CTNNA3: variants seen among roughly 807,000 people sequenced by gnomAD.
CTNNA3 encodes catenin alpha 3, also known as catenin alpha-3.
Under a neutral mutation model 95.7 loss-of-function variants are expected in CTNNA3, and 76 were observed. That is an observed-to-expected ratio of 0.79 (90% CI 0.66 to 0.96). CTNNA3 has a LOEUF of 0.96. Among genes scored for constraint, CTNNA3 ranks in the 40% least tolerant of loss-of-function variants. The pLI is 0.00. For missense variants in CTNNA3, 1,191 were observed against 1,089.8 expected (o/e 1.09, Z -1.31); for synonymous variants, 431 against 374.4 (o/e 1.15, Z -1.74).
At chr10:67,054,339 C>A (rs923456059) in intron 7 of CTNNA3, among the ~76,000 whole-genome samples, 15 of 152,108 alleles carry the variant, frequency 9.9e-5, no homozygotes, top group Non-Finnish European at 4.4e-5. Flanking sequence ...AGAGATGTGA[C>A]CTATAGGTTC....
At chr10:66,500,150 G>A (rs1019923945) in intron 11 of CTNNA3, among the ~76,000 whole-genome samples, 12 of 151,712 alleles carry the variant, frequency 7.9e-5, no homozygotes, top group African/African-American at 2.4e-4. Context: ...ACAAACAAAA[G>A]TAAAAAACAA....
intron 4 of CTNNA3, among the ~76,000 whole-genome samples, chr10:67,538,255 T>C (rs1840550226): frequency 6.7e-6 from 1 of 150,094 alleles, no homozygotes; most frequent in Non-Finnish European, 1.5e-5. Context: ...AGGGTCACTC[T>C]AGCGTTAAAA....
At chr10:67,604,614 C>A (rs1020482434) in intron 3 of CTNNA3, among the ~76,000 whole-genome samples, 1 of 152,116 alleles carries the variant, frequency 6.6e-6, no homozygotes. Context: ...ATTCATTGAA[C>A]CTGACTGATA....
rs554866257 is a variant in CTNNA3, at chr10:67,087,426, A to T, written c.1047+92891T>A. On this transcript the variant is annotated intron_variant, in intron 7 of 17. Transcript: ENST00000433211. ...AACATTTTGCAATTTATAGGGGGAA[A>T]ATCACCAAATTAAGGGATGATTATC... 2.3e-4 allele frequency among the ~76,000 whole-genome samples: 35 copies of T among 152,144 alleles called. No individual in the cohort carries two copies. In the South Asian group the frequency reaches 7.0e-3, roughly 31 times the overall value.
chr10:66,252,374 T>A (rs1252496563), intron 13 of CTNNA3, among the ~76,000 whole-genome samples: 1 of 152,252 alleles, frequency 6.6e-6, no homozygotes, highest in East Asian at 1.9e-4. Context: ...CATTTTCTTA[T>A]ATTTCTTTCT....
intron 7 of CTNNA3, among the ~76,000 whole-genome samples, chr10:67,139,356 C>T (rs1321532821): frequency 2.0e-5 from 3 of 147,986 alleles, no homozygotes; most frequent in Non-Finnish European, 4.4e-5. Context: ...ACTGTGTTAG[C>T]CAGGATGGTC....
chr10:66,262,285 C>T (rs745699712), intron 13 of CTNNA3, among the ~76,000 whole-genome samples: 54 of 152,060 alleles, frequency 3.6e-4, no homozygotes, highest in Non-Finnish European at 3.8e-4. Context: ...GCAACTTTTA[C>T]AGCATCACAA....
intron 10 of CTNNA3, among the ~76,000 whole-genome samples, chr10:66,562,871 C>T (rs1842595554): frequency 6.6e-6 from 1 of 152,046 alleles, no homozygotes; most frequent in Admixed American, 6.6e-5. Flanking sequence ...AAACCAATTA[C>T]AGTTCATCCT....
chr10:67,461,593 G>T (rs538234577), intron 5 of CTNNA3, among the ~76,000 whole-genome samples: 2 of 152,084 alleles, frequency 1.3e-5, no homozygotes, highest in African/African-American at 4.8e-5. Context: ...AAGCAAAAAG[G>T]TTGTATAAAA....
At chr10:66,553,491 A>G (rs1842287122) in intron 10 of CTNNA3, among the ~76,000 whole-genome samples, 1 of 147,774 alleles carries the variant, frequency 6.8e-6, no homozygotes, top group Non-Finnish European at 1.5e-5. Flanking sequence ...ATTATTCACC[A>G]AGATCTAATG....
chr10:66,665,253 C>A (rs1397817184), intron 9 of CTNNA3, among the ~76,000 whole-genome samples: 2 of 152,092 alleles, frequency 1.3e-5, no homozygotes, highest in Non-Finnish European at 2.9e-5. Context: ...AAAACATGAA[C>A]AAAATTGGAC....
intron 12 of CTNNA3, among the ~76,000 whole-genome samples, chr10:66,346,673 T>C (rs1001054134): frequency 6.6e-6 from 1 of 152,122 alleles, no homozygotes; most frequent in Non-Finnish European, 1.5e-5. Flanking sequence ...GATTAGAGAC[T>C]TTTGCTTGCA....
chr10:67,203,590 C>T (rs894229904), intron 6 of CTNNA3, among the ~76,000 whole-genome samples: 1 of 152,110 alleles, frequency 6.6e-6, no homozygotes, highest in African/African-American at 2.4e-5. Flanking sequence ...TTTTTTCATA[C>T]CTATCCCTCT....
intron 7 of CTNNA3, among the ~76,000 whole-genome samples, chr10:66,851,628 T>TCACA (rs1380371147): frequency 2.2e-5 from 2 of 92,852 alleles, no homozygotes; most frequent in East Asian, 5.3e-4. Context: ...TCTCTTTCTC[T>TCACA]CACATACACA....
intron 1 of CTNNA3, among the ~76,000 whole-genome samples, chr10:67,726,633 A>T (rs1237658039): frequency 3.1e-5 from 2 of 64,482 alleles, no homozygotes; most frequent in African/African-American, 1.3e-4. Context: ...ATATTATATT[A>T]TATATAATAT....
intron 13 of CTNNA3, among the ~76,000 whole-genome samples, chr10:66,245,191 C>T (rs1257548955): frequency 6.6e-6 from 1 of 152,204 alleles, no homozygotes; most frequent in South Asian, 2.1e-4. Flanking sequence ...GTGGGGCAGA[C>T]AGCTACAGGT....
intron 4 of CTNNA3, among the ~76,000 whole-genome samples, chr10:67,538,188 A>C (rs1365480382): frequency 6.8e-6 from 1 of 146,496 alleles, no homozygotes; most frequent in Admixed American, 6.7e-5. Flanking sequence ...AAAGGTATTG[A>C]ATTGCTGTTT....
At chr10:67,706,734 G>A (rs1841081065) in intron 1 of CTNNA3, among the ~76,000 whole-genome samples, 1 of 152,140 alleles carries the variant, frequency 6.6e-6, no homozygotes, top group Admixed American at 6.6e-5. Flanking sequence ...AGGCAACAGA[G>A]CAAAGGGAGA....
At chr10:66,044,427 T>C (rs1248541810) in intron 15 of CTNNA3, among the ~76,000 whole-genome samples, 3 of 152,302 alleles carry the variant, frequency 2.0e-5, no homozygotes, top group Middle Eastern at 3.4e-3. Flanking sequence ...TCTTGATTTT[T>C]TTTTTTTTAG....
Sources: allele counts gnomAD v4.1 joint callset (sites outside exome capture counted in the v4.1 genomes callset), GRCh38; gene constraint gnomAD v4.1.1; transcripts MANE v1.5; gene names NCBI Gene and HGNC (gene_info 2026-07-23, HGNC 2026-07-21).